EPG5: variants seen among roughly 807,000 people sequenced by gnomAD.
The protein encoded by EPG5 is ectopic P granules protein 5 homolog.
EPG5 carries 159 observed loss-of-function variants against 302.7 expected under a neutral mutation model. The observed-to-expected ratio is 0.53, with a 90% CI of 0.46 to 0.60. The LOEUF is 0.60. Ranked by LOEUF, EPG5 falls within the 20% of genes least tolerant of loss-of-function variation. EPG5 has a pLI of 0.00. For missense variants in EPG5, 2,896 were observed against 3,092.4 expected (o/e 0.94, Z 1.51); for synonymous variants, 1,158 against 1,136.8 (o/e 1.02, Z -0.37).
intron 29 of EPG5, among the ~76,000 whole-genome samples, chr18:45,885,820 T>C (rs1379002972): frequency 6.6e-6 from 1 of 152,136 alleles, no homozygotes; most frequent in Non-Finnish European, 1.5e-5. Flanking sequence ...AGGTTAATAG[T>C]GTGAGGAGCT....
intron 25 of EPG5, 50 bp downstream of exon 25, chr18:45,903,923 T>C: frequency 6.4e-7 from 1 of 1,554,788 alleles, no homozygotes; most frequent in Non-Finnish European, 8.6e-7. Flanking sequence ...ATGGCTCTGA[T>C]TCAATCATTC....
At chr18:45,929,078 C>A (rs2145808084) in intron 12 of EPG5, 69 bp from the exon 13 acceptor site, 7 of 1,453,440 alleles carry the variant, frequency 4.8e-6, no homozygotes, top group East Asian at 2.3e-5. Context: ...ACACTTATAT[C>A]ATTTTTTCAA....
intron 1 of EPG5, among the ~76,000 whole-genome samples, chr18:45,966,262 C>G (rs1286275769): frequency 2.7e-5 from 4 of 149,622 alleles, no homozygotes; most frequent in Admixed American, 1.3e-4. Flanking sequence ...GTCCCAGCTA[C>G]TCGGGAGGGA....
intron 34 of EPG5, among the ~76,000 whole-genome samples, chr18:45,877,478 T>A (rs1176627395): frequency 1.3e-5 from 2 of 152,128 alleles, no homozygotes; most frequent in Non-Finnish European, 2.9e-5. Flanking sequence ...CCAAATAGGT[T>A]CCGTTAATTC....
intron 17 of EPG5, 107 bp from the exon 18 acceptor site, chr18:45,916,689 T>A: frequency 8.3e-7 from 1 of 1,205,492 alleles, no homozygotes; most frequent in Non-Finnish European, 1.1e-6. Flanking sequence ...GTCCCATTTT[T>A]CGACCAAAGC....
intron 20 of EPG5, 86 bp downstream of exon 20, chr18:45,915,425 T>C (rs529747977): frequency 1.0e-6 from 1 of 966,242 alleles, no homozygotes; most frequent in Non-Finnish European, 1.6e-6. Context: ...AAAGTTAGTT[T>C]AGACAATTAG....
At chr18:45,950,227 T>C (rs972028295) in intron 4 of EPG5, among the ~76,000 whole-genome samples, 5 of 152,210 alleles carry the variant, frequency 3.3e-5, no homozygotes, top group Admixed American at 6.5e-5. Flanking sequence ...TTTTGGAATA[T>C]TTGCATAAAC....
chr18:45,806,714 T>C, the EPG5 span, among the ~76,000 whole-genome samples: 1 of 152,064 alleles, frequency 6.6e-6, no homozygotes, highest in African/African-American at 2.4e-5. Flanking sequence ...AGGAAAGACT[T>C]GTGAGCTCGC....
chr18:45,884,423 C>T (rs1258519714), intron 30 of EPG5, among the ~76,000 whole-genome samples, 194 bp downstream of exon 30: 1 of 152,160 alleles, frequency 6.6e-6, no homozygotes, highest in African/African-American at 2.4e-5. Context: ...CTATACAAGA[C>T]AACCAATGCC....
the EPG5 span, chr18:45,825,775 C>G: frequency 1.2e-6 from 2 of 1,614,198 alleles, no homozygotes; most frequent in South Asian, 1.1e-5. Context: ...TGGGTTCTCC[C>G]GACAGGTGAG....
rs773102307 is a variant in EPG5 at position 45,901,171 on chromosome 18, A to G, written c.4475-4T>C. The G allele has an allele frequency of 2.5e-6, 4 of 1,613,648 alleles. No individual in the cohort carries two copies. In the South Asian group the frequency reaches 4.4e-5, roughly 18 times the overall value. The stretch of plus-strand genomic sequence containing the variant: ...TTACTTAAAACCCTTTCTTTAGCTG[A>G]AAGAAAATTAAGTCATATATACTGA... On this transcript the variant is annotated splice_polypyrimidine_tract_variant and splice_region_variant and intron_variant, in intron 25 of 43. Transcript: ENST00000282041.
downstream of EPG5, among the ~76,000 whole-genome samples, chr18:45,845,814 G>A (rs1213408193): frequency 6.6e-6 from 1 of 152,218 alleles, no homozygotes; most frequent in Non-Finnish European, 1.5e-5. Context: ...AGCAGTGAGA[G>A]GAAGTGGCCG....
At chr18:45,825,059 A>G in the EPG5 span, among the ~76,000 whole-genome samples, 1 of 150,234 alleles carries the variant, frequency 6.7e-6, no homozygotes, top group Non-Finnish European at 1.5e-5. Context: ...AAGAGCAAAC[A>G]TCTGTGTATC....
chr18:45,870,497 C>T (rs1196790194), intron 36 of EPG5, 70 bp downstream of exon 36: 2 of 1,409,866 alleles, frequency 1.4e-6, no homozygotes, highest in Non-Finnish European at 2.0e-6. Context: ...TGCCTAACAA[C>T]CACAGTGACC....
Position 45,865,849 on chromosome 18 carries a change from A to C in EPG5, c.6622-90T>G, listed in dbSNP as rs2048735930. ...TCCTGGGAGCATGGCACTGCAATGAATGCTTGGGTAGGGAGTAGAGGGGAC... is the reference window on the plus strand; with the variant it reads ...TCCTGGGAGCATGGCACTGCAATGACTGCTTGGGTAGGGAGTAGAGGGGAC... On this transcript the variant is annotated intron_variant, in intron 38 of 43. Coordinates refer to ENST00000282041, the MANE Select transcript of EPG5 (RefSeq NM_020964.3). 5 of 1,404,414 alleles carry C rather than the reference A, an allele frequency of 3.6e-6. No individual in the cohort carries two copies. In the African/African-American group the frequency reaches 4.3e-5, roughly 12 times the overall value. The allele number at this position is 1,404,414 out of a possible 1,614,324, so 87.0% of individuals were successfully genotyped here.
chr18:45,884,906 T>G, intron 29 of EPG5, 95 bp from the exon 30 acceptor site: 1 of 820,958 alleles, frequency 1.2e-6, no homozygotes, highest in Non-Finnish European at 1.8e-6. Context: ...ATAAGGTGAA[T>G]AGAATTTTTT....
At chr18:45,919,702 CG>C (rs1257499359) in intron 16 of EPG5, among the ~76,000 whole-genome samples, 1 of 151,698 alleles carries the variant, frequency 6.6e-6, no homozygotes, top group Non-Finnish European at 1.5e-5. Flanking sequence ...TTAGTAGAGA[CG>C]GGGTTTCACC....
At chr18:45,913,281 G>T (rs2049952544) in intron 21 of EPG5, among the ~76,000 whole-genome samples, 1 of 152,064 alleles carries the variant, frequency 6.6e-6, no homozygotes, top group Non-Finnish European at 1.5e-5. Context: ...TAAAATAGAA[G>T]GTCTTTAAAG....
Position 45,913,703 on chromosome 18 carries a change from T to TC in EPG5, c.3816+2_3816+3insG. 6.2e-7 allele frequency: 1 copy of TC among 1,614,010 alleles called. No individual in the cohort carries two copies. Among genetic ancestry groups the TC allele is most frequent in the Non-Finnish European group, 8.5e-7 (1 of 1,179,926 alleles). On this transcript the variant is annotated splice_region_variant and intron_variant, in intron 21 of 43. Coordinates refer to ENST00000282041, the MANE Select transcript of EPG5 (RefSeq NM_020964.3). ...CACTCAAATGCAGAACTGCTATTTGTACCTTCAGAGCTTGGTCAGGGGTGA... is the reference window on the plus strand; with the variant it reads ...CACTCAAATGCAGAACTGCTATTTGTCACCTTCAGAGCTTGGTCAGGGGTGA...
Sources: gnomAD v4.1 joint callset for allele counts (sites outside exome capture counted in the v4.1 genomes callset) on GRCh38, gnomAD v4.1.1 for gene constraint, MANE v1.5 for transcripts, NCBI Gene and HGNC (gene_info 2026-07-23, HGNC 2026-07-21) for gene names.